PRKCH: variants seen among roughly 807,000 people sequenced by gnomAD.
PRKCH encodes protein kinase C eta type.
PRKCH carries 28 observed loss-of-function variants against 82.5 expected under a neutral mutation model. The observed-to-expected ratio is 0.34, with a 90% CI of 0.25 to 0.47. The LOEUF is 0.47. PRKCH is among the 20% of genes least tolerant of loss of function. The probability of loss-of-function intolerance (pLI) is 1.00; values close to 1 mark genes in which losing one functional copy is unlikely to be tolerated. For missense variants in PRKCH, 705 were observed against 881.8 expected (o/e 0.80, Z 2.54); for synonymous variants, 322 against 327.4 (o/e 0.98, Z 0.18).
intron 1 of PRKCH, among the ~76,000 whole-genome samples, chr14:61,208,042 G>A (rs1006297985): frequency 1.5e-4 from 23 of 152,044 alleles, no homozygotes; most frequent in African/African-American, 5.1e-4. Context: ...GAAACCAAGC[G>A]CAAATCAAAT....
chr14:61,471,910 G>A (rs78079605), intron 9 of PRKCH, among the ~76,000 whole-genome samples: 2,067 of 152,210 alleles, frequency 0.014, 35 homozygotes, highest in African/African-American at 0.043. Flanking sequence ...TGGGTTAGAC[G>A]ATCACTTTTC....
At chr14:61,491,178 G>A (rs1390584330) in intron 10 of PRKCH, among the ~76,000 whole-genome samples, 2 of 152,258 alleles carry the variant, frequency 1.3e-5, no homozygotes, top group African/African-American at 2.4e-5. Context: ...TTGGAATTCA[G>A]TTCTGTATTT....
chr14:61,238,847 G>A (rs1356036472), intron 1 of PRKCH, among the ~76,000 whole-genome samples: 1 of 152,092 alleles, frequency 6.6e-6, no homozygotes, highest in Admixed American at 6.6e-5. Flanking sequence ...AAAGCTTCTC[G>A]AACTTTCTTT....
chr14:61,408,863 G>T (rs1003832807), intron 2 of PRKCH, among the ~76,000 whole-genome samples: 2 of 152,130 alleles, frequency 1.3e-5, no homozygotes, highest in Non-Finnish European at 1.5e-5. Flanking sequence ...ATTCTAGGAG[G>T]GTGTCAAGTA....
chr14:61,400,299 A>G (rs1881541350), intron 2 of PRKCH, among the ~76,000 whole-genome samples: 1 of 152,252 alleles, frequency 6.6e-6, no homozygotes, highest in Non-Finnish European at 1.5e-5. Context: ...TTCTGGTGGT[A>G]GTTGATTTAT....
At chr14:61,342,313 A>G (rs2045938956) in intron 1 of PRKCH, among the ~76,000 whole-genome samples, 1 of 152,084 alleles carries the variant, frequency 6.6e-6, no homozygotes, top group African/African-American at 2.4e-5. Flanking sequence ...AATGTAGATT[A>G]TCTTGGTTTG....
chr14:61,233,349 C>T (rs1203299589), intron 1 of PRKCH, among the ~76,000 whole-genome samples: 1 of 151,726 alleles, frequency 6.6e-6, no homozygotes, highest in Non-Finnish European at 1.5e-5. Context: ...CATAATCAAG[C>T]CACTGCACTC....
intron 10 of PRKCH, among the ~76,000 whole-genome samples, chr14:61,515,789 T>C (rs8014366): frequency 3.9e-4 from 59 of 152,334 alleles, no homozygotes; most frequent in African/African-American, 1.3e-3. Context: ...AAGCTTGTTT[T>C]TACTCTTTAT....
Position 61,470,707 on chromosome 14 carries a change from T to C in PRKCH, c.1278+13028T>C, listed in dbSNP as rs543207831. 5.3e-5 allele frequency among the ~76,000 whole-genome samples: 8 copies of C among 152,286 alleles called. No homozygotes were observed. In the South Asian group the frequency reaches 1.5e-3, roughly 28 times the overall value. The stretch of plus-strand genomic sequence containing the variant: ...GGTCTTGAATGACTTATGGCTTAGG[T>C]GTTACAAATGGGAGTCCTGGAACTC... On this transcript the variant is annotated intron_variant, in intron 9 of 13. Coordinates refer to ENST00000332981, the MANE Select transcript of PRKCH (RefSeq NM_006255.5).
intron 10 of PRKCH, among the ~76,000 whole-genome samples, chr14:61,485,919 A>G (rs978691861): frequency 3.3e-5 from 5 of 152,234 alleles, no homozygotes; most frequent in Admixed American, 6.5e-5. Context: ...GCACCACTAC[A>G]CATGGCTAAT....
chr14:61,434,881 A>G (rs1191712071), intron 2 of PRKCH, among the ~76,000 whole-genome samples: 1 of 152,188 alleles, frequency 6.6e-6, no homozygotes, highest in Non-Finnish European at 1.5e-5. Flanking sequence ...TTTTAAAAGC[A>G]TATATGGCAG....
At position 61,297,707 on chromosome 14, in the gene PRKCH, G is replaced by T. The variant is rs111293541; in HGVS notation, c.-19+110039G>T. The stretch of plus-strand genomic sequence containing the variant: ...AATGTAGTGCTGCCACTGATCTGAC[G>T]GGAAGTGGAGTTCAGGGGGTAATGC... On this transcript the variant is annotated intron_variant, in intron 1 of 3. Transcript: ENST00000555185. Among the ~76,000 whole-genome samples, 370 of 152,238 alleles carry T rather than the reference G, an allele frequency of 2.4e-3. 3 individuals carry two copies. Among genetic ancestry groups the T allele is most frequent in the Admixed American group, 3.9e-3 (59 of 15,296 alleles).
At chr14:61,335,888 A>G (rs929134595) in intron 1 of PRKCH, among the ~76,000 whole-genome samples, 5 of 152,192 alleles carry the variant, frequency 3.3e-5, no homozygotes, top group African/African-American at 1.2e-4. Context: ...TTGGACAACT[A>G]CCATAATTAT....
At chr14:61,360,953 AC>A (rs1211506305) in intron 1 of PRKCH, 1 of 152,230 alleles carries the variant, frequency 6.6e-6, no homozygotes, top group African/African-American at 2.4e-5. Context: ...TCTCACATAC[AC>A]TGTTCAAGTT....
chr14:61,243,990 A>G (rs1048095457), intron 1 of PRKCH, among the ~76,000 whole-genome samples: 2 of 151,842 alleles, frequency 1.3e-5, no homozygotes, highest in African/African-American at 2.4e-5. Context: ...CTTTCTCTAT[A>G]CAGGGAGCCT....
intron 10 of PRKCH, 70 bp from the exon 11 acceptor site, chr14:61,529,005 T>TGTGTGTGTGTGCGC (rs1491304992): frequency 7.6e-5 from 111 of 1,460,496 alleles, no homozygotes; most frequent in Admixed American, 1.5e-4. Context: ...TGTGTGTGTG[T>TGTGTGTGTGTGCGC]GCCCATTCTG....
chr14:61,406,196 G>GA (rs35265528), intron 2 of PRKCH, among the ~76,000 whole-genome samples: 3,081 of 149,602 alleles, frequency 0.021, 80 homozygotes, highest in African/African-American at 0.073. Context: ...ACACATACAG[G>GA]AAAAAAAAAA....
chr14:61,519,258 G>A (rs1198213664), intron 10 of PRKCH, among the ~76,000 whole-genome samples: 2 of 150,912 alleles, frequency 1.3e-5, no homozygotes, highest in African/African-American at 4.9e-5. Flanking sequence ...CTCCAGCCTG[G>A]GCTACAGAAT....
chr14:61,259,725 ATTT>A (rs200524884), intron 1 of PRKCH, among the ~76,000 whole-genome samples: 1 of 151,404 alleles, frequency 6.6e-6, no homozygotes, highest in Non-Finnish European at 1.5e-5. Flanking sequence ...ATAACAAAGC[ATTT>A]TTTTTTCCTG....
Sources: allele counts gnomAD v4.1 joint callset (sites outside exome capture counted in the v4.1 genomes callset), GRCh38; gene constraint gnomAD v4.1.1; transcripts MANE v1.5; gene names NCBI Gene and HGNC (gene_info 2026-07-23, HGNC 2026-07-21).